Variants in GREB1 observed in about 807,000 individuals in gnomAD.
GREB1 encodes the protein growth regulating estrogen receptor binding 1.
GREB1 carries 106 observed loss-of-function variants against 200.7 expected under a neutral mutation model. The ratio of observed to expected loss-of-function variants is 0.53; its 90% CI spans 0.45 to 0.62. The LOEUF (loss-of-function observed/expected upper bound fraction) is 0.62, where lower values mean the gene tolerates loss of function less well. Among genes scored for constraint, GREB1 ranks in the 20% least tolerant of loss-of-function variants. GREB1 has a pLI of 0.00. For missense variants in GREB1, 2,243 were observed against 2,556.8 expected (o/e 0.88, Z 2.65); for synonymous variants, 1,132 against 1,092.4 (o/e 1.04, Z -0.72).
chr2:11,518,870 G>A (rs1208392479), intron 1 of GREB1, among the ~76,000 whole-genome samples: 7 of 152,038 alleles, frequency 4.6e-5, no homozygotes, highest in African/African-American at 1.4e-4. Flanking sequence ...AGGCCGAGGC[G>A]GGTGGATCAC....
chr2:11,484,455 A>T (rs997838326), intron 1 of GREB1, among the ~76,000 whole-genome samples: 1 of 152,088 alleles, frequency 6.6e-6, no homozygotes, highest in African/African-American at 2.4e-5. Flanking sequence ...TTCTTGAGTA[A>T]GAAGTTAACT....
chr2:11,588,646 A>G (rs1431223195), intron 9 of GREB1, 100 bp from the exon 10 acceptor site: 1 of 1,080,372 alleles, frequency 9.3e-7, no homozygotes, highest in Non-Finnish European at 1.4e-6. Context: ...GGCGCAGCTC[A>G]CCTATCTCCT....
chr2:11,483,687 GGTGTGTGTGTGTGTGTGTGTGT>G (rs57352590), intron 1 of GREB1, among the ~76,000 whole-genome samples: 2,130 of 132,380 alleles, frequency 0.016, 25 homozygotes, highest in Non-Finnish European at 0.024. Context: ...TACAAGAAGG[GGTGTGTGTGTGTGTGTGTGTGT>G]GTGTGTGTGT....
rs754377387 is a variant in GREB1, at chr2:11,615,292, T to C, written c.3322+2T>C. The C allele has an allele frequency of 3.2e-6, 5 of 1,575,078 alleles. No individual in the cohort carries two copies. The South Asian group carries it at 5.8e-5, about 18-fold the overall frequency. ...AGGATGAGGAGCTGGGGACAGAAGG[T>C]GAGGGATGGCTGCCCTCAGCCTACT... On this transcript the variant is annotated splice_donor_variant, in intron 20 of 32. Transcript: ENST00000381486. LOFTEE classifies it high-confidence loss of function.
intron 7 of GREB1, chr2:11,584,940 G>A (rs1291178506): frequency 1.0e-5 from 4 of 396,844 alleles, no homozygotes; most frequent in Middle Eastern, 1.2e-3. Flanking sequence ...CCACCAGGTT[G>A]CCTAAGGAGG....
At chr2:11,614,632 C>T (rs961628803) in intron 19 of GREB1, among the ~76,000 whole-genome samples, 1 of 151,932 alleles carries the variant, frequency 6.6e-6, no homozygotes, top group East Asian at 1.9e-4. Context: ...GACACAATCT[C>T]GGCTCACGGC....
chr2:11,566,680 T>C (rs1045512231), intron 4 of GREB1, 24 bp downstream of exon 4: 2 of 1,590,238 alleles, frequency 1.3e-6, no homozygotes, highest in African/African-American at 1.3e-5. Context: ...TGTCATCCTC[T>C]GTGGCTCCTT....
intron 7 of GREB1, among the ~76,000 whole-genome samples, chr2:11,583,069 A>T (rs1391608924): frequency 6.6e-6 from 1 of 152,204 alleles, no homozygotes; most frequent in Non-Finnish European, 1.5e-5. Context: ...TCCCCAAGAG[A>T]CATTTTGAGA....
Position 11,580,912 on chromosome 2 carries a change from G to T in GREB1, c.901+80G>T. The T allele has an allele frequency of 3.9e-6, 6 of 1,556,032 alleles. No homozygotes were observed. The highest frequency in any genetic ancestry group is 5.3e-6 in the Non-Finnish European group (6 of 1,132,970). ...CCAGAGGGGGCATGGGAGCTGCTGG[G>T]CTGGGGCCGCTGAGCCTCCTGGAGT... On this transcript the variant is annotated intron_variant, in intron 7 of 32. Transcript: ENST00000381486. The surrounding 1 kb of genome is among the most constrained non-coding windows in gnomAD (Gnocchi z 4.5).
At chr2:11,591,263 A>G in intron 10 of GREB1, 1 of 632,878 alleles carries the variant, frequency 1.6e-6, no homozygotes, top group Non-Finnish European at 2.9e-6. Flanking sequence ...CACGGCCCAC[A>G]GAGCAGGTGT....
intron 17 of GREB1, among the ~76,000 whole-genome samples, chr2:11,607,483 C>T (rs977952554): frequency 1.4e-5 from 2 of 141,392 alleles, no homozygotes; most frequent in Admixed American, 7.1e-5. Context: ...CACACACATA[C>T]ATATATATAC....
Position 11,592,801 on chromosome 2 carries a change from G to T in GREB1, c.1371G>T (p.Glu457Asp). Residue 457 changes from glutamate (E) to aspartate (D), a missense_variant, in exon 11 of 33, where the codon GAG becomes GAT. Glu to Asp is a conservative substitution (Grantham distance 45). Coordinates refer to ENST00000381486, the MANE Select transcript of GREB1 (RefSeq NM_014668.4). ...CCGCGGACCAGGTGCCCTTGATGGA[G>T]GACCTGGAGCAGATCTTCCTGCGCT... Reference protein sequence around the residue: ...QLAADQVPLMEDLEQIFLRSW... With the variant: ...QLAADQVPLMDDLEQIFLRSW... 1.3e-6 allele frequency: 2 copies of T among 1,549,494 alleles called. No homozygotes were observed. Among genetic ancestry groups the T allele is most frequent in the Non-Finnish European group, 1.7e-6 (2 of 1,155,202 alleles).
At chr2:11,515,697 A>G (rs971511611) in intron 1 of GREB1, among the ~76,000 whole-genome samples, 2 of 152,230 alleles carry the variant, frequency 1.3e-5, no homozygotes, top group African/African-American at 4.8e-5. Context: ...AGGGCAGAGC[A>G]GATGTTCTCA....
intron 30 of GREB1, among the ~76,000 whole-genome samples, chr2:11,636,823 G>A (rs1685376146): frequency 8.7e-6 from 1 of 114,998 alleles, no homozygotes; most frequent in Non-Finnish European, 2.2e-5. Flanking sequence ...CAGAGGCAGG[G>A]GCAGGGACAG....
chr2:11,526,898 T>A (rs747553243), intron 1 of GREB1, among the ~76,000 whole-genome samples: 6 of 152,182 alleles, frequency 3.9e-5, no homozygotes, highest in Non-Finnish European at 7.3e-5. Context: ...TATCTTGATA[T>A]TTCTAAATAA....
chr2:11,615,254 A>G lies in GREB1; in HGVS notation c.3286A>G (p.Ser1096Gly). The G allele has an allele frequency of 6.2e-7, 1 of 1,607,634 alleles. No individual in the cohort carries two copies. The highest frequency in any genetic ancestry group is 8.5e-7 in the Non-Finnish European group (1 of 1,176,678). Residue 1096 changes from serine to glycine, a missense_variant, in exon 20 of 33, where the codon AGC becomes GGC. Transcript: ENST00000381486. ...GGAGAGTGATGCTGAGAAGCTGAGC[A>G]GCACAGACAACGAGGATGAGGAGCT... The part of the protein sequence containing the change: ...ALESDAEKLS[S>G]TDNEDEELGT...
chr2:11,618,698 A>G lies in GREB1; in HGVS notation c.3823A>G (p.Ser1275Gly). The G allele has an allele frequency of 3.1e-6, 5 of 1,613,714 alleles. No individual in the cohort carries two copies. Among genetic ancestry groups the G allele is most frequent in the Non-Finnish European group, 4.2e-6 (5 of 1,179,934 alleles). Reference sequence around the variant, plus strand: ...CGACATGGTTGTGTCCACTGACAGCAGTGGCCTGCCCAAGGCCGCCTCCCT... The same window carrying G: ...CGACATGGTTGTGTCCACTGACAGCGGTGGCCTGCCCAAGGCCGCCTCCCT... ...VYDMVVSTDSSGLPKAASLLP... is the reference protein window; with the variant it reads ...VYDMVVSTDSGGLPKAASLLP... The change falls in exon 22 of 33, where the codon AGT (serine) becomes GGT (glycine). Residue 1275 changes from serine (S) to glycine (G), a missense_variant. Ser to Gly is a moderately conservative substitution (Grantham distance 56, BLOSUM62 0). Transcript: ENST00000381486.
chr2:11,632,179 T>G (rs1572208126), intron 27 of GREB1, 66 bp downstream of exon 27: 3 of 1,170,958 alleles, frequency 2.6e-6, no homozygotes, highest in East Asian at 4.8e-5. Context: ...GAGAGTGTTC[T>G]AGAGACAAAA....
At chr2:11,523,530 G>T (rs1044354681) in intron 1 of GREB1, among the ~76,000 whole-genome samples, 12 of 152,292 alleles carry the variant, frequency 7.9e-5, no homozygotes, top group Non-Finnish European at 2.9e-5. Flanking sequence ...TGTAACGTGT[G>T]TCTTTCCTTG....
Sources: gnomAD v4.1 joint callset for allele counts (sites outside exome capture counted in the v4.1 genomes callset) on GRCh38, gnomAD v4.1.1 for gene constraint, Gnocchi (gnomAD v3.1) non-coding constraint, MANE v1.5 for transcripts, NCBI Gene and HGNC (gene_info 2026-07-23, HGNC 2026-07-21) for gene names.